LINGO2: variants seen among roughly 807,000 people sequenced by gnomAD.
The protein encoded by LINGO2 is leucine-rich repeat and immunoglobulin-like domain-containing nogo receptor-interacting protein 2.
Under a neutral mutation model 30.6 loss-of-function variants are expected in LINGO2, and 14 were observed. That is an observed-to-expected ratio of 0.46 (90% confidence interval 0.30 to 0.72). LINGO2 has a LOEUF of 0.72. Ranked by LOEUF, LINGO2 falls within the 30% of genes least tolerant of loss-of-function variation. The pLI is 0.07. For synonymous variants in LINGO2, 317 were observed against 288.5 expected (o/e 1.10, Z -1.00); for missense variants, 729 against 751.7 (o/e 0.97, Z 0.35).
intron 1 of LINGO2, among the ~76,000 whole-genome samples, chr9:28,596,544 A>G (rs571682386): frequency 3.3e-5 from 5 of 152,174 alleles, no homozygotes; most frequent in Non-Finnish European, 7.4e-5. Context: ...GATGGCTTTT[A>G]TCTAATTGCT....
At chr9:29,184,516 C>A in the LINGO2 span, among the ~76,000 whole-genome samples, 3 of 152,044 alleles carry the variant, frequency 2.0e-5, no homozygotes, top group East Asian at 5.8e-4. Flanking sequence ...GACTAAAGCA[C>A]GAGACAATTT....
chr9:29,131,587 G>GA, the LINGO2 span, among the ~76,000 whole-genome samples: 14 of 151,882 alleles, frequency 9.2e-5, no homozygotes, highest in African/African-American at 3.4e-4. Context: ...CATCCACACC[G>GA]AAAACCATTT....
chr9:28,963,820 A>T, the LINGO2 span, among the ~76,000 whole-genome samples: 2 of 151,896 alleles, frequency 1.3e-5, no homozygotes. Flanking sequence ...GTTAATGGGT[A>T]CAAACATATA....
intron 4 of LINGO2, among the ~76,000 whole-genome samples, chr9:28,053,217 A>G (rs1314783010): frequency 6.6e-6 from 1 of 152,038 alleles, no homozygotes; most frequent in Non-Finnish European, 1.5e-5. Flanking sequence ...ATTTATACTG[A>G]GTCCTGGAGA....
At chr9:28,753,289 T>C in the LINGO2 span, among the ~76,000 whole-genome samples, 2 of 152,046 alleles carry the variant, frequency 1.3e-5, no homozygotes, top group Admixed American at 6.5e-5. Flanking sequence ...TTCCTTTGAT[T>C]TGAAATAGGG....
chr9:28,885,110 C>A, the LINGO2 span, among the ~76,000 whole-genome samples: 1 of 144,254 alleles, frequency 6.9e-6, no homozygotes, highest in East Asian at 2.1e-4. Context: ...CTTTGGCTGG[C>A]CCTCCTCTCA....
At position 28,482,310 on chromosome 9, in the gene LINGO2, G is replaced by A. The variant is rs569712435; in HGVS notation, c.-364-6285C>T. Among the ~76,000 whole-genome samples the A allele has an allele frequency of 3.3e-5, 5 of 152,022 alleles. No homozygotes were observed. The South Asian group carries it at 6.3e-4, about 19-fold the overall frequency. ...GTTGTTTCCTGACTTTTTAATGATC[G>A]CCATTCTAACTGCTGTGAGATGGTA... On this transcript the variant is annotated intron_variant, in intron 1 of 5. Transcript: ENST00000379992.
At chr9:28,637,656 T>G (rs1827348415) in intron 1 of LINGO2, among the ~76,000 whole-genome samples, 1 of 152,178 alleles carries the variant, frequency 6.6e-6, no homozygotes, top group Non-Finnish European at 1.5e-5. Flanking sequence ...GCTTGTGATT[T>G]TTGCACATTG....
intron 1 of LINGO2, among the ~76,000 whole-genome samples, chr9:28,485,260 C>A (rs1008992723): frequency 6.6e-6 from 1 of 152,096 alleles, no homozygotes. Context: ...CTTACTGGTT[C>A]ATTGGCTGAT....
At chr9:28,422,670 GTA>G (rs1823248553) in intron 2 of LINGO2, among the ~76,000 whole-genome samples, 3 of 152,010 alleles carry the variant, frequency 2.0e-5, no homozygotes, top group Admixed American at 6.6e-5. Flanking sequence ...TCTACTCTGA[GTA>G]TATATGTGAA....
rs376722577 is a variant in LINGO2 at position 28,603,531 on chromosome 9, G to A, written c.-365+66669C>T. On this transcript the variant is annotated intron_variant, in intron 1 of 5. Transcript: ENST00000379992. Reference sequence around the variant, plus strand: ...TAATGTAAATAACCCACCAGACCAAGGAGGAAATATATATTAGCATGTCAA... The same window carrying A: ...TAATGTAAATAACCCACCAGACCAAAGAGGAAATATATATTAGCATGTCAA... 2.0e-5 allele frequency among the ~76,000 whole-genome samples: 3 copies of A among 152,070 alleles called. No homozygotes were observed. In the South Asian group the frequency reaches 6.2e-4, roughly 32 times the overall value.
At chr9:28,077,490 A>C (rs535957039) in intron 4 of LINGO2, among the ~76,000 whole-genome samples, 127 of 152,196 alleles carry the variant, frequency 8.3e-4, no homozygotes, top group Non-Finnish European at 1.4e-3. Context: ...GGATTCATTC[A>C]TTCACTTAAA....
the LINGO2 span, among the ~76,000 whole-genome samples, chr9:28,844,230 C>T: frequency 1.5e-3 from 230 of 151,858 alleles, 11 homozygotes; most frequent in African/African-American, 5.2e-3. Context: ...GGCATGGCGG[C>T]GCACACCTGT....
At chr9:29,150,092 T>C in the LINGO2 span, among the ~76,000 whole-genome samples, 6 of 152,140 alleles carry the variant, frequency 3.9e-5, no homozygotes, top group Admixed American at 1.3e-4. Context: ...TGTTGCTGAG[T>C]AGGAGCCCGT....
intron 3 of LINGO2, among the ~76,000 whole-genome samples, chr9:28,363,330 AAAGAGG>A (rs1820529582): frequency 1.3e-5 from 2 of 152,222 alleles, no homozygotes; most frequent in African/African-American, 4.8e-5. Flanking sequence ...GTAAGAAAAT[AAAGAGG>A]AAGAACAGCA....
chr9:28,354,084 A>T (rs1286871663), intron 3 of LINGO2, among the ~76,000 whole-genome samples: 1 of 152,118 alleles, frequency 6.6e-6, no homozygotes, highest in Admixed American at 6.5e-5. Context: ...GCGCACCAGC[A>T]TGGCGCATGT....
At chr9:27,977,106 G>A (rs371925238) in intron 5 of LINGO2, among the ~76,000 whole-genome samples, 8 of 150,304 alleles carry the variant, frequency 5.3e-5, no homozygotes, top group African/African-American at 1.5e-4. Flanking sequence ...CAATAATTAC[G>A]TAATATTATG....
intron 1 of LINGO2, among the ~76,000 whole-genome samples, chr9:28,590,060 A>T (rs62560663): frequency 0.072 from 10,895 of 151,934 alleles, 451 homozygotes; most frequent in Non-Finnish European, 0.075. Context: ...GGGGAAAGGA[A>T]TCCCTATTTA....
chr9:28,330,658 G>C (rs1825386353), intron 3 of LINGO2, among the ~76,000 whole-genome samples: 1 of 152,122 alleles, frequency 6.6e-6, no homozygotes, highest in South Asian at 2.1e-4. Context: ...ATCTGTTATT[G>C]TGAATTACTG....
Sources: gnomAD v4.1 joint callset for allele counts (sites outside exome capture counted in the v4.1 genomes callset) on GRCh38, gnomAD v4.1.1 for gene constraint, MANE v1.5 for transcripts, NCBI Gene and HGNC (gene_info 2026-07-23, HGNC 2026-07-21) for gene names.